Variants in CXADR observed in about 807,000 individuals in gnomAD.
CXADR encodes coxsackievirus and adenovirus receptor.
Under a neutral mutation model 40.3 loss-of-function variants are expected in CXADR, and 20 were observed. That is an observed-to-expected ratio of 0.50 (90% confidence interval 0.35 to 0.72). The LOEUF is 0.72. Ranked by LOEUF, CXADR falls within the 30% of genes least tolerant of loss-of-function variation. The pLI is 0.01. For synonymous variants in CXADR, 150 were observed against 161.3 expected, an observed-to-expected ratio of 0.93 and a Z score of 0.53; for missense variants, 332 against 449.1, an observed-to-expected ratio of 0.74 and a Z score of 2.36.
chr21:17,513,211 C>A, intron 1 of CXADR, 39 bp downstream of exon 1: 6 of 1,349,060 alleles, frequency 4.4e-6, no homozygotes, highest in Non-Finnish European at 5.7e-6. Context: ...CCCGCCCAGC[C>A]CGGGGGCGCT....
chr21:17,551,919 T>G lies in CXADR; in HGVS notation c.381T>G (p.Gly127=), dbSNP rs1472206738. The change falls in exon 3 of 7, where the codon GGT becomes GGG. Residue 127 remains glycine (G), a synonymous_variant. Transcript: ENST00000284878. Reference sequence around the variant, plus strand: ...AGTGCAAAGTGAAAAAAGCTCCTGGTGTTGCAAATAAGAAGATTCATCTGG... The same window carrying G: ...AGTGCAAAGTGAAAAAAGCTCCTGGGGTTGCAAATAAGAAGATTCATCTGG... ...TYQCKVKKAP[G]VANKKIHLVV... 1 of 1,613,966 alleles carries G rather than the reference T, an allele frequency of 6.2e-7. No individual in the cohort carries two copies. The highest frequency in any genetic ancestry group is 8.5e-7 in the Non-Finnish European group (1 of 1,179,864).
chr21:17,549,708 CG>C (rs1375999715), intron 2 of CXADR, among the ~76,000 whole-genome samples: 1 of 152,100 alleles, frequency 6.6e-6, no homozygotes, highest in Non-Finnish European at 1.5e-5. Context: ...TAACCAACAG[CG>C]GGAATGCATC....
chr21:17,629,880 G>A, the CXADR span, among the ~76,000 whole-genome samples: 2 of 152,184 alleles, frequency 1.3e-5, no homozygotes, highest in Non-Finnish European at 2.9e-5. Context: ...AACTCTGCCT[G>A]TGGAGAAAGG....
At chr21:17,530,824 AAAAG>A (rs1340215622) in intron 1 of CXADR, among the ~76,000 whole-genome samples, 1 of 152,196 alleles carries the variant, frequency 6.6e-6, no homozygotes, top group Non-Finnish European at 1.5e-5. Flanking sequence ...AAAAAAAAGA[AAAAG>A]AAAATACTAC....
At chr21:17,537,935 T>C (rs181420009) in intron 1 of CXADR, among the ~76,000 whole-genome samples, 3 of 152,178 alleles carry the variant, frequency 2.0e-5, no homozygotes, top group Non-Finnish European at 4.4e-5. Flanking sequence ...ACATATGTTC[T>C]GGAGGAAGGG....
the CXADR span, among the ~76,000 whole-genome samples, chr21:17,625,041 T>C: frequency 6.6e-6 from 1 of 152,108 alleles, no homozygotes; most frequent in South Asian, 2.1e-4. Flanking sequence ...ACTAAGACCT[T>C]TGGGAGCAGA....
At chr21:17,599,572 G>A in the CXADR span, among the ~76,000 whole-genome samples, 1 of 149,836 alleles carries the variant, frequency 6.7e-6, no homozygotes, top group Non-Finnish European at 1.5e-5. Context: ...CCACCTCCCA[G>A]GTGTTCAAGT....
At chr21:17,622,419 C>T in the CXADR span, among the ~76,000 whole-genome samples, 1 of 152,090 alleles carries the variant, frequency 6.6e-6, no homozygotes, top group Admixed American at 6.6e-5. Context: ...TCAGGTTTTT[C>T]TTTACCTTGT....
At position 17,561,433 on chromosome 21, in the gene CXADR, C is replaced by T. The variant is rs757637973; in HGVS notation, c.790C>T (p.Arg264Cys). ...GLIIFCCRKK[R>C]REEKYEKEVH... ...TATCATCTTTTGCTGTCGTAAAAAG[C>T]GCAGAGAAGAAAAATATGAAAAGGA... is the stretch of plus-strand genomic sequence containing the variant. Residue 264 changes from arginine to cysteine, a missense_variant, in exon 6 of 7, where the codon CGC becomes TGC. Physicochemically the swap from Arg to Cys is radical, Grantham distance 180 (BLOSUM62 -3). This residue lies in a region of CXADR where 150 missense variants were observed against 194.2 expected (regional missense o/e 0.77). Transcript: ENST00000284878. 38 of 1,611,578 alleles carry T rather than the reference C, an allele frequency of 2.4e-5. No homozygotes were observed. Among genetic ancestry groups the T allele is most frequent in the East Asian group, 1.3e-4 (6 of 44,772 alleles).
chr21:17,513,575 T>C (rs1056934697), intron 1 of CXADR, among the ~76,000 whole-genome samples: 2 of 152,324 alleles, frequency 1.3e-5, no homozygotes, highest in Admixed American at 1.3e-4. Context: ...TTCAAAAACC[T>C]TGGGCGGCGA....
intron 1 of CXADR, among the ~76,000 whole-genome samples, chr21:17,546,686 C>T (rs990086127): frequency 1.4e-4 from 22 of 152,146 alleles, no homozygotes; most frequent in African/African-American, 4.8e-4. Context: ...ACAAATCCAA[C>T]CTGTATCACT....
rs900777858 is a variant in CXADR at position 17,569,599 on chromosome 21, G to A, written c.*3907G>A. On this transcript the variant is annotated 3_prime_UTR_variant, in exon 7 of 7. Transcript: ENST00000284878. ...GCAGGGAAGAATAATAAACACATTT[G>A]TGAATTGTGGTTCAGTTTATTTATC... 6.1e-6 allele frequency: 6 copies of A among 985,080 alleles called. No homozygotes were observed. Among genetic ancestry groups the A allele is most frequent in the Non-Finnish European group, 7.2e-6 (6 of 829,676 alleles). 61.0% of individuals were successfully genotyped at this position (985,080 alleles called of 1,614,324 possible).
At chr21:17,520,429 TA>T (rs1483295689) in intron 1 of CXADR, among the ~76,000 whole-genome samples, 3 of 152,156 alleles carry the variant, frequency 2.0e-5, no homozygotes, top group African/African-American at 7.2e-5. Context: ...GTTTGCATTT[TA>T]ACAAGTTTTA....
rs2061243746 is a variant in CXADR, at chr21:17,568,518, T to A, written c.*2826T>A. 1.0e-6 allele frequency: 1 copy of A among 983,690 alleles called. No individual in the cohort carries two copies. Among genetic ancestry groups the A allele is most frequent in the Non-Finnish European group, 1.2e-6 (1 of 828,746 alleles). 60.9% of individuals were successfully genotyped at this position (983,690 alleles called of 1,614,324 possible). On this transcript the variant is annotated 3_prime_UTR_variant, in exon 7 of 7. Transcript: ENST00000284878. ...CATCTCTTTAGGTTACAGAGGATAA[T>A]TTGAAGAGAAATGTTACTGTAGAAT...
rs748145898 is a variant in CXADR at position 17,547,047 on chromosome 21, A to G, written c.64A>G (p.Ile22Val). 6.2e-7 allele frequency: 1 copy of G among 1,612,938 alleles called. No homozygotes were observed. ...TCTAGATTTCGCCAGAAGTTTGAGT[A>G]TCACTACTCCTGAAGAGATGATTGA... is the stretch of plus-strand genomic sequence containing the variant. Reference protein sequence around the residue: ...GVVDFARSLSITTPEEMIEKA... With the variant: ...GVVDFARSLSVTTPEEMIEKA... The change falls in exon 2 of 7, where the codon ATC becomes GTC. Residue 22 changes from isoleucine to valine, a missense_variant. Coordinates refer to ENST00000284878, the MANE Select transcript of CXADR (RefSeq NM_001338.5).
the CXADR span, among the ~76,000 whole-genome samples, chr21:17,603,315 C>A: frequency 3.3e-5 from 5 of 152,072 alleles, no homozygotes; most frequent in Non-Finnish European, 7.3e-5. Flanking sequence ...TTTCTCAGAC[C>A]TAAATTTGAG....
chr21:17,611,842 A>G, the CXADR span: 1 of 152,208 alleles, frequency 6.6e-6, no homozygotes, highest in Non-Finnish European at 1.5e-5. Flanking sequence ...TAACTTTTGT[A>G]CTTTTCCCTC....
intron 3 of CXADR, among the ~76,000 whole-genome samples, chr21:17,552,473 A>G (rs939574564): frequency 1.3e-5 from 2 of 152,184 alleles, no homozygotes; most frequent in African/African-American, 4.8e-5. Flanking sequence ...CCTCTCTGTA[A>G]TAGTTAATAG....
the CXADR span, among the ~76,000 whole-genome samples, chr21:17,626,278 AT>A: frequency 6.6e-6 from 1 of 152,200 alleles, no homozygotes; most frequent in Non-Finnish European, 1.5e-5. Flanking sequence ...TAAAAAAATA[AT>A]TTTTGAGCAC....
Sources: gnomAD v4.1 joint callset for allele counts (sites outside exome capture counted in the v4.1 genomes callset) on GRCh38, gnomAD v4.1.1 for gene constraint, gnomAD v4.1.1 regional missense constraint, MANE v1.5 for transcripts, NCBI Gene and HGNC (gene_info 2026-07-23, HGNC 2026-07-21) for gene names.